Variants in ATL1 observed in about 807,000 individuals in gnomAD.
ATL1 encodes the protein atlastin GTPase 1, also known as atlastin-1.
In ATL1, 31 loss-of-function variants were observed where a neutral mutation model predicts 75.5. The observed-to-expected ratio is 0.41, with a 90% CI of 0.31 to 0.55. ATL1 has a LOEUF of 0.55. Among genes scored for constraint, ATL1 ranks in the 20% least tolerant of loss-of-function variants. The pLI, the probability that ATL1 is intolerant of heterozygous loss-of-function variation, is 0.27. For missense variants in ATL1, 405 were observed against 662.6 expected (o/e 0.61, Z 4.27); for synonymous variants, 226 against 233.3 (o/e 0.97, Z 0.28).
intron 1 of ATL1, among the ~76,000 whole-genome samples, chr14:50,543,235 A>G (rs540548233): frequency 6.6e-6 from 1 of 152,346 alleles, no homozygotes; most frequent in East Asian, 1.9e-4. Flanking sequence ...AGTTACTGCC[A>G]CTATGGAGTG....
intron 1 of ATL1, among the ~76,000 whole-genome samples, chr14:50,547,480 A>G (rs1308765421): frequency 1.3e-5 from 2 of 152,216 alleles, no homozygotes; most frequent in African/African-American, 4.8e-5. Flanking sequence ...CAAAAAGAAT[A>G]TGGGCCAAAT....
At chr14:50,589,155 C>CTTTTTTTTTTTTTTT (rs34191629) in intron 2 of ATL1, among the ~76,000 whole-genome samples, 8 of 109,424 alleles carry the variant, frequency 7.3e-5, no homozygotes, top group East Asian at 2.7e-4. Context: ...TTCTTTCTTT[C>CTTTTTTTTTTTTTTT]TTTTTTTTTT....
chr14:50,611,734 C>A (rs1243372901), intron 6 of ATL1, among the ~76,000 whole-genome samples: 2 of 152,148 alleles, frequency 1.3e-5, no homozygotes, highest in Non-Finnish European at 2.9e-5. Context: ...TACTAAACCA[C>A]ACCCTCCAGA....
chr14:50,572,153 G>A (rs185956456), intron 1 of ATL1: 75 of 377,126 alleles, frequency 2.0e-4, no homozygotes, highest in Non-Finnish European at 3.2e-4. Flanking sequence ...TGTCTTTTCC[G>A]TGGGCTTACA....
intron 2 of ATL1, among the ~76,000 whole-genome samples, chr14:50,589,032 C>G (rs533678559): frequency 9.2e-5 from 14 of 152,024 alleles, no homozygotes; most frequent in African/African-American, 2.9e-4. Context: ...GAAAACATAC[C>G]ATAGATTTTG....
At chr14:50,600,226 G>A (rs1368750374) in intron 6 of ATL1, among the ~76,000 whole-genome samples, 14 of 148,470 alleles carry the variant, frequency 9.4e-5, no homozygotes, top group Admixed American at 4.0e-4. Context: ...ACAGATGAGA[G>A]ATAAAGATTG....
chr14:50,619,281 G>A (rs981937003), intron 8 of ATL1, among the ~76,000 whole-genome samples: 4 of 152,022 alleles, frequency 2.6e-5, no homozygotes, highest in Non-Finnish European at 4.4e-5. Context: ...GGATGGTGTC[G>A]ATCTCCTGAC....
At chr14:50,573,457 C>T (rs1398386184) in intron 1 of ATL1, among the ~76,000 whole-genome samples, 1 of 152,188 alleles carries the variant, frequency 6.6e-6, no homozygotes, top group Non-Finnish European at 1.5e-5. Context: ...TTTAAATAGT[C>T]ACATATGGCT....
At chr14:50,549,911 G>A (rs887386426) in intron 1 of ATL1, among the ~76,000 whole-genome samples, 2 of 152,208 alleles carry the variant, frequency 1.3e-5, no homozygotes, top group African/African-American at 2.4e-5. Context: ...GAATGGGCCT[G>A]TAAAATATGC....
At chr14:50,582,805 A>C (rs2039069295) in intron 1 of ATL1, among the ~76,000 whole-genome samples, 1 of 152,164 alleles carries the variant, frequency 6.6e-6, no homozygotes, top group African/African-American at 2.4e-5. Context: ...AGTCATAGGC[A>C]ACTCATTTAT....
intron 1 of ATL1, among the ~76,000 whole-genome samples, chr14:50,540,457 A>T (rs1419597710): frequency 6.6e-6 from 1 of 152,160 alleles, no homozygotes; most frequent in African/African-American, 2.4e-5. Flanking sequence ...TCTTTGAGGG[A>T]GAGTCCCATA....
chr14:50,592,135 C>A (rs1407549528), intron 4 of ATL1, among the ~76,000 whole-genome samples: 36 of 151,976 alleles, frequency 2.4e-4, no homozygotes, highest in Admixed American at 2.4e-3. Context: ...TCTTTCTTTC[C>A]TTTCCTTTTT....
intron 11 of ATL1, among the ~76,000 whole-genome samples, chr14:50,625,695 G>A (rs183108794): frequency 3.3e-5 from 5 of 152,254 alleles, no homozygotes; most frequent in East Asian, 3.9e-4. Flanking sequence ...GGAGGCCGAG[G>A]TGGGTGGATC....
intron 1 of ATL1, among the ~76,000 whole-genome samples, chr14:50,585,323 A>G (rs1460965446): frequency 1.3e-5 from 2 of 152,202 alleles, no homozygotes; most frequent in African/African-American, 4.8e-5. Flanking sequence ...AGTTTGTTGC[A>G]AACAATTATT....
chr14:50,583,713 G>T (rs1005076800), intron 1 of ATL1, among the ~76,000 whole-genome samples: 1 of 152,120 alleles, frequency 6.6e-6, no homozygotes, highest in African/African-American at 2.4e-5. Flanking sequence ...ATATGGAAAG[G>T]GTTAAAATAG....
intron 6 of ATL1, among the ~76,000 whole-genome samples, chr14:50,607,022 G>A (rs1240949430): frequency 6.6e-6 from 1 of 151,960 alleles, no homozygotes; most frequent in Non-Finnish European, 1.5e-5. Context: ...GACCTATATG[G>A]TTACAAAATC....
At chr14:50,592,660 C>G (rs1015044016) in intron 4 of ATL1, among the ~76,000 whole-genome samples, 2 of 151,724 alleles carry the variant, frequency 1.3e-5, no homozygotes, top group Non-Finnish European at 2.9e-5. Flanking sequence ...GCCTGTAATC[C>G]CAGCACTTTG....
intron 1 of ATL1, among the ~76,000 whole-genome samples, chr14:50,584,720 T>A (rs937524930): frequency 2.0e-5 from 3 of 150,370 alleles, no homozygotes; most frequent in Non-Finnish European, 3.0e-5. Flanking sequence ...AAAAAATAAA[T>A]AAATAAATAA....
chr14:50,571,729 C>T (rs555320181), intron 1 of ATL1, among the ~76,000 whole-genome samples: 1 of 152,210 alleles, frequency 6.6e-6, no homozygotes, highest in Non-Finnish European at 1.5e-5. Context: ...GTTTGCTAAT[C>T]TTTAGATTAC....
Sources: allele counts gnomAD v4.1 joint callset (sites outside exome capture counted in the v4.1 genomes callset), GRCh38; gene constraint gnomAD v4.1.1; transcripts MANE v1.5; gene names NCBI Gene and HGNC (gene_info 2026-07-23, HGNC 2026-07-21).